Variants in TMEM184B observed in about 807,000 individuals in gnomAD.
TMEM184B encodes the protein putative MAPK-activating protein FM08.
In TMEM184B, 17 loss-of-function variants were observed where a neutral mutation model predicts 41.8. That is an observed-to-expected ratio of 0.41 (90% CI 0.28 to 0.61). The LOEUF (loss-of-function observed/expected upper bound fraction) is 0.61, where lower values mean the gene tolerates loss of function less well. TMEM184B is among the 20% of genes least tolerant of loss of function. The pLI, the probability that TMEM184B is intolerant of heterozygous loss-of-function variation, is 0.34. For synonymous variants in TMEM184B, 240 were observed against 229.5 expected (o/e 1.05, Z -0.41); for missense variants, 393 against 557.8 (o/e 0.70, Z 2.98).
intron 5 of TMEM184B, among the ~76,000 whole-genome samples, chr22:38,228,753 C>T (rs73425649): frequency 0.016 from 2,504 of 152,278 alleles, 83 homozygotes; most frequent in African/African-American, 0.057. Context: ...CTCTTTTGTT[C>T]TCTTTCTTCT....
chr22:38,227,303 C>A (rs977359376), intron 5 of TMEM184B, among the ~76,000 whole-genome samples: 6 of 152,068 alleles, frequency 3.9e-5, no homozygotes, highest in African/African-American at 1.4e-4. Context: ...AGATGAGAGG[C>A]TCGACAGGCA....
intron 1 of TMEM184B, among the ~76,000 whole-genome samples, chr22:38,254,847 C>T (rs1000092945): frequency 1.4e-5 from 2 of 143,216 alleles, no homozygotes; most frequent in Non-Finnish European, 3.0e-5. Context: ...AACTTTGGCA[C>T]TTTCTTTTTT....
At chr22:38,232,327 G>A (rs1459951848) in intron 3 of TMEM184B, 1 of 152,214 alleles carries the variant, frequency 6.6e-6, no homozygotes, top group Non-Finnish European at 1.5e-5. Flanking sequence ...CAAGTCTGCT[G>A]TAAATGTTGA....
At chr22:38,261,036 G>T (rs1200700048) in intron 1 of TMEM184B, among the ~76,000 whole-genome samples, 1 of 152,126 alleles carries the variant, frequency 6.6e-6, no homozygotes, top group Admixed American at 6.5e-5. Context: ...ATAACTCGCT[G>T]GTTGGGGTCA....
chr22:38,220,766 G>C lies in TMEM184B; in HGVS notation c.*703C>G. ...GGTAGGCCAGGGGGAAGGGGCATGA[G>C]GCAGGCAGAGGTGTGGCCACGACAG... On this transcript the variant is annotated 3_prime_UTR_variant, in exon 9 of 9. Transcript: ENST00000361906. 1.0e-6 allele frequency: 1 copy of C among 986,286 alleles called. No individual in the cohort carries two copies. Among genetic ancestry groups the C allele is most frequent in the Non-Finnish European group, 1.2e-6 (1 of 830,242 alleles). 61.1% of individuals were successfully genotyped at this position (986,286 alleles called of 1,614,324 possible).
At chr22:38,231,698 C>G (rs1159639884) in intron 3 of TMEM184B, 2 of 420,176 alleles carry the variant, frequency 4.8e-6, no homozygotes, top group East Asian at 1.1e-4. Context: ...TGGGGCGAAA[C>G]AGTATTGCCT....
intron 1 of TMEM184B, among the ~76,000 whole-genome samples, chr22:38,254,793 C>T (rs2092245341): frequency 6.6e-6 from 1 of 151,754 alleles, no homozygotes; most frequent in African/African-American, 2.4e-5. Context: ...ATCTCCCACA[C>T]ATTGCTGGTG....
At chr22:38,236,222 C>T (rs1280981865) in intron 3 of TMEM184B, among the ~76,000 whole-genome samples, 1 of 152,200 alleles carries the variant, frequency 6.6e-6, no homozygotes, top group Non-Finnish European at 1.5e-5. Flanking sequence ...AGGCTGTCCG[C>T]TCCCCACCCC....
At chr22:38,245,263 C>CA (rs1355853190) in intron 3 of TMEM184B, among the ~76,000 whole-genome samples, 2 of 152,220 alleles carry the variant, frequency 1.3e-5, no homozygotes, top group Non-Finnish European at 2.9e-5. Flanking sequence ...CCCACCCTGC[C>CA]TGAGACGCCA....
chr22:38,271,656 AC>A (rs1477795138), intron 1 of TMEM184B, among the ~76,000 whole-genome samples: 3 of 152,008 alleles, frequency 2.0e-5, no homozygotes, highest in South Asian at 2.1e-4. Flanking sequence ...CATCGTGATC[AC>A]CTGTTTCCAA....
Position 38,225,551 on chromosome 22 carries a change from G to A in TMEM184B, c.660C>T (p.Ile220=). ...GGGCGTAGAGGGCCAGGCTGACGGA[G>A]ATGTTGTAGATGATGGTCACGTAGA... ...GYLYVTIIYN[I]SVSLALYALF... Residue 220 remains isoleucine, a synonymous_variant, in exon 7 of 9, where the codon ATC becomes ATT. Coordinates refer to ENST00000361906, the MANE Select transcript of TMEM184B (RefSeq NM_012264.5). This position sits in a 1 kb window ranked among gnomAD's most constrained non-coding sequence, Gnocchi z 4.4. 1 of 1,605,794 alleles carries A rather than the reference G, an allele frequency of 6.2e-7. No homozygotes were observed. The highest frequency in any genetic ancestry group is 1.1e-5 in the South Asian group (1 of 90,266).
At chr22:38,229,248 A>T (rs1051877091) in intron 5 of TMEM184B, among the ~76,000 whole-genome samples, 1 of 152,246 alleles carries the variant, frequency 6.6e-6, no homozygotes, top group African/African-American at 2.4e-5. Flanking sequence ...CAGAGCCCCT[A>T]CGGAGCCCCA....
intron 2 of TMEM184B, 143 bp downstream of exon 2, chr22:38,247,627 G>A: frequency 1.9e-6 from 2 of 1,075,604 alleles, no homozygotes; most frequent in Non-Finnish European, 2.6e-6. Context: ...ACAAGAAGTA[G>A]ACTTCTATCG....
intron 2 of TMEM184B, chr22:38,247,025 T>C: frequency 2.5e-6 from 1 of 405,176 alleles, no homozygotes; most frequent in Non-Finnish European, 4.5e-6. Flanking sequence ...ACCCTGCCCC[T>C]CTCCACTGGA....
In TMEM184B at chr22:38,226,076, C is replaced by CTTT. The variant is rs35956053; in HGVS notation, c.618-486_618-484dup. Reference sequence around the variant, plus strand: ...AAGCACAGGGCTAGACACATGGTCACTTTTTTTTTTTTTTTTTTTAGATAT... The same window carrying CTTT: ...AAGCACAGGGCTAGACACATGGTCACTTTTTTTTTTTTTTTTTTTTTTAGATAT... On this transcript the variant is annotated intron_variant, in intron 6 of 8. Coordinates refer to ENST00000361906, the MANE Select transcript of TMEM184B (RefSeq NM_012264.5). The surrounding 1 kb of genome is among the most constrained non-coding windows in gnomAD (Gnocchi z 4.6). Among the ~76,000 whole-genome samples the CTTT allele has an allele frequency of 1.5e-5, 2 of 134,228 alleles. No individual in the cohort carries two copies. Among genetic ancestry groups the CTTT allele is most frequent in the Non-Finnish European group, 3.2e-5 (2 of 61,964 alleles). The allele number at this position is 134,228 out of a possible 152,430, so 88.1% of individuals were successfully genotyped here.
chr22:38,250,511 A>G (rs1248980837), intron 1 of TMEM184B, among the ~76,000 whole-genome samples: 1 of 152,268 alleles, frequency 6.6e-6, no homozygotes, highest in African/African-American at 2.4e-5. Context: ...GTCCAAGAAT[A>G]GCTCCTGTAA....
downstream of TMEM184B, among the ~76,000 whole-genome samples, chr22:38,218,197 CCT>C (rs2091173527): frequency 6.6e-6 from 1 of 152,184 alleles, no homozygotes; most frequent in Non-Finnish European, 1.5e-5. Context: ...AAACCATAAC[CCT>C]GTGTCTTGTC....
At chr22:38,260,620 T>C (rs932867079) in intron 1 of TMEM184B, among the ~76,000 whole-genome samples, 3 of 151,864 alleles carry the variant, frequency 2.0e-5, no homozygotes, top group Non-Finnish European at 2.9e-5. Flanking sequence ...TCCTCATCTA[T>C]AAAATGGGGA....
chr22:38,242,535 G>A (rs1367858684), intron 3 of TMEM184B, among the ~76,000 whole-genome samples: 2 of 152,202 alleles, frequency 1.3e-5, no homozygotes, highest in South Asian at 2.1e-4. Flanking sequence ...CAGGTCCTCA[G>A]GAAGGGCTGG....
Sources: gnomAD v4.1 joint callset for allele counts (sites outside exome capture counted in the v4.1 genomes callset) on GRCh38, gnomAD v4.1.1 for gene constraint, Gnocchi (gnomAD v3.1) non-coding constraint, MANE v1.5 for transcripts, NCBI Gene and HGNC (gene_info 2026-07-23, HGNC 2026-07-21) for gene names.